Variants in CHRM3 observed in about 807,000 individuals in gnomAD.
CHRM3 encodes muscarinic acetylcholine receptor M3.
A neutral mutation model predicts 41.8 loss-of-function variants in CHRM3; 11 were observed. That is an observed-to-expected ratio of 0.26 (90% CI 0.17 to 0.44). The LOEUF (loss-of-function observed/expected upper bound fraction) is 0.44. Ranked by LOEUF, CHRM3 falls within the 20% of genes least tolerant of loss-of-function variation. The pLI is 1.00. For synonymous variants in CHRM3, 297 were observed against 301.4 expected (o/e 0.99, Z 0.15); for missense variants, 571 against 745.4 (o/e 0.77, Z 2.72).
intron 3 of CHRM3, among the ~76,000 whole-genome samples, chr1:239,578,829 T>A (rs1235905795): frequency 6.6e-6 from 1 of 152,014 alleles, no homozygotes; most frequent in Non-Finnish European, 1.5e-5. Flanking sequence ...GATGCACAAT[T>A]GTAGTGAGTT....
chr1:239,518,804 T>G (rs1669439581), intron 2 of CHRM3, among the ~76,000 whole-genome samples: 1 of 152,176 alleles, frequency 6.6e-6, no homozygotes, highest in South Asian at 2.1e-4. Context: ...GTCTGCCCAA[T>G]CCCATCCCTT....
chr1:239,879,817 A>G (rs1677438669), intron 6 of CHRM3, among the ~76,000 whole-genome samples: 2 of 152,220 alleles, frequency 1.3e-5, no homozygotes, highest in African/African-American at 4.8e-5. Flanking sequence ...CTCTGCTGCA[A>G]TAGAAGTCTC....
intron 5 of CHRM3, among the ~76,000 whole-genome samples, chr1:239,718,281 GT>G (rs1214163598): frequency 6.6e-6 from 1 of 152,032 alleles, no homozygotes; most frequent in Non-Finnish European, 1.5e-5. Flanking sequence ...AATAAACTCA[GT>G]TTGGAATTTG....
At chr1:239,760,029 C>G (rs1419570152) in intron 5 of CHRM3, among the ~76,000 whole-genome samples, 1 of 151,958 alleles carries the variant, frequency 6.6e-6, no homozygotes, top group Non-Finnish European at 1.5e-5. Context: ...ATTCTCCTGC[C>G]TCAGCCTCCC....
In CHRM3 at chr1:239,912,275, C is replaced by T. The variant is rs1488675188; in HGVS notation, c.*3051C>T. ...GAGCTCTCTCTGGTCCCCTAGATCC[C>T]TCGGCTCTGCTCTCCTTTGCCCATC... On this transcript the variant is annotated 3_prime_UTR_variant, in exon 7 of 7. Transcript: ENST00000676153. 6.0e-6 allele frequency: 1 copy of T among 167,226 alleles called. No individual in the cohort carries two copies. Among genetic ancestry groups the T allele is most frequent in the African/African-American group, 2.4e-5 (1 of 41,446 alleles). 10.4% of individuals were successfully genotyped at this position (167,226 alleles called of 1,614,324 possible). A position where few individuals can be genotyped will look rare whatever the true frequency, so the allele number is the denominator to read the frequency against.
chr1:239,869,072 G>C (rs1011083268), intron 6 of CHRM3, among the ~76,000 whole-genome samples: 4 of 152,104 alleles, frequency 2.6e-5, no homozygotes, highest in African/African-American at 9.7e-5. Context: ...CTTTCTGCCT[G>C]ACGCCTAGAA....
chr1:239,395,598 A>T (rs920810228), intron 1 of CHRM3, among the ~76,000 whole-genome samples: 9 of 152,150 alleles, frequency 5.9e-5, no homozygotes, highest in African/African-American at 2.2e-4. Context: ...GTGCATTCAG[A>T]TCACATAGGG....
At chr1:239,403,703 A>G (rs1335860553) in intron 1 of CHRM3, among the ~76,000 whole-genome samples, 1 of 151,894 alleles carries the variant, frequency 6.6e-6, no homozygotes, top group African/African-American at 2.4e-5. Context: ...AGGTTTTTGT[A>G]ACCACTTGGA....
chr1:239,805,204 C>A (rs1670534527), intron 5 of CHRM3, among the ~76,000 whole-genome samples: 1 of 152,192 alleles, frequency 6.6e-6, no homozygotes, highest in Admixed American at 6.5e-5. Flanking sequence ...GGATGAAACT[C>A]AGTGAGGTTC....
chr1:239,569,453 CTG>C (rs1054224382), intron 3 of CHRM3, among the ~76,000 whole-genome samples: 26 of 152,118 alleles, frequency 1.7e-4, no homozygotes, highest in Admixed American at 6.5e-4. Flanking sequence ...TTATGGCAAA[CTG>C]AGAAAAATTT....
chr1:239,806,559 G>A (rs1670670109), intron 5 of CHRM3, among the ~76,000 whole-genome samples: 1 of 152,200 alleles, frequency 6.6e-6, no homozygotes. Context: ...TGAATTAGTA[G>A]GCCAGATGCA....
At chr1:239,722,484 C>G (rs2148349882) in intron 5 of CHRM3, among the ~76,000 whole-genome samples, 1 of 152,018 alleles carries the variant, frequency 6.6e-6, no homozygotes, top group African/African-American at 2.4e-5. Flanking sequence ...AATCTTAAGA[C>G]TTAAGTTCTA....
At chr1:239,661,014 T>C (rs1305867417) in intron 4 of CHRM3, among the ~76,000 whole-genome samples, 2 of 152,186 alleles carry the variant, frequency 1.3e-5, no homozygotes, top group Non-Finnish European at 2.9e-5. Flanking sequence ...TTATATCACT[T>C]TTACAAACAG....
chr1:239,783,270 A>G (rs1668640999), intron 5 of CHRM3, among the ~76,000 whole-genome samples: 1 of 151,856 alleles, frequency 6.6e-6, no homozygotes, highest in Non-Finnish European at 1.5e-5. Context: ...TATAATAATT[A>G]TAGTTATGCT....
At chr1:239,769,895 T>C (rs985075642) in intron 5 of CHRM3, among the ~76,000 whole-genome samples, 1 of 151,308 alleles carries the variant, frequency 6.6e-6, no homozygotes, top group African/African-American at 2.4e-5. Flanking sequence ...AAAAAAAAAA[T>C]TATTTGCGTT....
Position 239,855,755 on chromosome 1 carries a change from C to T in CHRM3, c.-20+28377C>T, listed in dbSNP as rs539319760. Among the ~76,000 whole-genome samples the T allele has an allele frequency of 1.1e-4, 17 of 152,248 alleles. No homozygotes were observed. In the South Asian group the frequency reaches 3.5e-3, roughly 32 times the overall value. On this transcript the variant is annotated intron_variant, in intron 6 of 6. Coordinates refer to ENST00000676153, the MANE Select transcript of CHRM3 (RefSeq NM_001375978.1). Reference sequence around the variant, plus strand: ...ATAATGAAAAGTTGGAAGAATGTTACAATCAACATCTATAAACCCACCTTT... The same window carrying T: ...ATAATGAAAAGTTGGAAGAATGTTATAATCAACATCTATAAACCCACCTTT...
intron 1 of CHRM3, among the ~76,000 whole-genome samples, chr1:239,396,155 A>G (rs895049685): frequency 6.6e-6 from 1 of 152,148 alleles, no homozygotes; most frequent in Non-Finnish European, 1.5e-5. Context: ...TTACTCTATC[A>G]GAATCTCACT....
chr1:239,409,296 T>C (rs1355625087), intron 1 of CHRM3, among the ~76,000 whole-genome samples: 3 of 152,298 alleles, frequency 2.0e-5, no homozygotes, highest in South Asian at 2.1e-4. Context: ...TAATCTGGTT[T>C]TCAGGATGCT....
intron 1 of CHRM3, among the ~76,000 whole-genome samples, chr1:239,398,327 C>T (rs113853051): frequency 0.025 from 3,766 of 152,260 alleles, 165 homozygotes; most frequent in African/African-American, 0.086. Flanking sequence ...CGTCTGCCTC[C>T]TGGGTTCAAG....
Sources: gnomAD v4.1 joint callset for allele counts (sites outside exome capture counted in the v4.1 genomes callset) on GRCh38, gnomAD v4.1.1 for gene constraint, MANE v1.5 for transcripts, NCBI Gene and HGNC (gene_info 2026-07-23, HGNC 2026-07-21) for gene names.